ARNT2: variants seen among roughly 807,000 people sequenced by gnomAD.
The protein encoded by ARNT2 is aryl hydrocarbon receptor nuclear translocator 2, also known as ARNT protein 2.
In ARNT2, 36 loss-of-function variants were observed where a neutral mutation model predicts 91.7. That is an observed-to-expected ratio of 0.39 (90% CI 0.30 to 0.52). The LOEUF is 0.52. Ranked by LOEUF, ARNT2 falls within the 20% of genes least tolerant of loss-of-function variation. The pLI is 0.72. For synonymous variants in ARNT2, 365 were observed against 347.1 expected (o/e 1.05, Z -0.57); for missense variants, 775 against 939.3 (o/e 0.83, Z 2.29).
In ARNT2 at chr15:80,595,989, G is replaced by C; in HGVS notation, c.*2291G>C. On this transcript the variant is annotated 3_prime_UTR_variant, in exon 19 of 19. Transcript: ENST00000303329. Reference sequence around the variant, plus strand: ...TAGCTTGTGAGTTTGGAAGTTTGGGGGGTCTTATGTTTGTTTTGCCTCTTC... The same window carrying C: ...TAGCTTGTGAGTTTGGAAGTTTGGGCGGTCTTATGTTTGTTTTGCCTCTTC... 6.6e-6 allele frequency: 1 copy of C among 152,364 alleles called. No homozygotes were observed. Among genetic ancestry groups the C allele is most frequent in the East Asian group, 1.9e-4 (1 of 5,188 alleles). The allele number at this position is 152,364 out of a possible 1,614,324, so 9.4% of individuals were successfully genotyped here. A position where few individuals can be genotyped will look rare whatever the true frequency, so the allele number is the denominator to read the frequency against.
chr15:80,574,959 T>C (rs762292144), intron 13 of ARNT2, 28 bp from the exon 14 acceptor site: 13 of 1,610,036 alleles, frequency 8.1e-6, no homozygotes, highest in South Asian at 2.2e-5. Flanking sequence ...CATGAGTTGC[T>C]GTTGTGTTTT....
At chr15:80,467,231 G>A (rs1057076689) in intron 3 of ARNT2, among the ~76,000 whole-genome samples, 1 of 152,214 alleles carries the variant, frequency 6.6e-6, no homozygotes, top group Non-Finnish European at 1.5e-5. Flanking sequence ...GGTGGTTGGT[G>A]ACAAGGGGAA....
intron 11 of ARNT2, chr15:80,560,130 G>C (rs1372653056): frequency 6.6e-6 from 1 of 152,224 alleles, no homozygotes; most frequent in African/African-American, 2.4e-5. Flanking sequence ...ATCTCTCCTC[G>C]CCCTCCTGGT....
intron 5 of ARNT2, among the ~76,000 whole-genome samples, chr15:80,477,813 C>A (rs959116739): frequency 3.9e-5 from 6 of 152,138 alleles, no homozygotes; most frequent in African/African-American, 1.2e-4. Context: ...GAACACAATT[C>A]CACCTATAAT....
At chr15:80,574,470 G>A (rs959652366) in intron 13 of ARNT2, among the ~76,000 whole-genome samples, 3 of 152,184 alleles carry the variant, frequency 2.0e-5, no homozygotes, top group African/African-American at 7.2e-5. Context: ...AGGGCTGAGG[G>A]ACATTTCTGA....
intron 2 of ARNT2, among the ~76,000 whole-genome samples, chr15:80,453,232 A>G (rs1896428800): frequency 6.6e-6 from 1 of 152,216 alleles, no homozygotes; most frequent in Non-Finnish European, 1.5e-5. Flanking sequence ...AAGAAAAGCA[A>G]TGAGAGAGGA....
intron 2 of ARNT2, among the ~76,000 whole-genome samples, chr15:80,453,835 C>A (rs2141382616): frequency 6.6e-6 from 1 of 152,276 alleles, no homozygotes; most frequent in African/African-American, 2.4e-5. Flanking sequence ...GGGGTAGTGG[C>A]ATTGGCAAGG....
rs764692932 is a variant in ARNT2, at chr15:80,574,175, G to A, written c.1344G>A (p.Leu448=). The change falls in exon 13 of 19, where the codon TTG becomes TTA. Residue 448 remains leucine, a synonymous_variant. Transcript: ENST00000303329. The part of the protein sequence containing the change: ...VKQLQQQQAE[L]EVHQRDGLSS... ...AACTTCAGCAACAGCAGGCAGAATT[G>A]GAAGTGCACCAGAGAGATGGATTGT... The A allele has an allele frequency of 1.9e-6, 3 of 1,614,214 alleles. No individual in the cohort carries two copies. Among genetic ancestry groups the A allele is most frequent in the East Asian group, 2.2e-5 (1 of 44,886 alleles).
intron 11 of ARNT2, 77 bp downstream of exon 11, chr15:80,555,216 C>G: frequency 6.7e-7 from 1 of 1,488,762 alleles, no homozygotes; most frequent in Non-Finnish European, 9.3e-7. Context: ...GACATTAGTC[C>G]TACTATGTGC....
chr15:80,533,484 T>C (rs886334478), intron 8 of ARNT2, among the ~76,000 whole-genome samples: 6 of 152,012 alleles, frequency 3.9e-5, no homozygotes, highest in African/African-American at 1.4e-4. Context: ...GTTGGAGTAA[T>C]GGTGTAGCCC....
chr15:80,497,396 T>A (rs1897136793), intron 5 of ARNT2, among the ~76,000 whole-genome samples: 1 of 152,232 alleles, frequency 6.6e-6, no homozygotes, highest in Non-Finnish European at 1.5e-5. Context: ...GTGAGCAGCC[T>A]CCTAACATGG....
chr15:80,588,269 A>G (rs1404072604), intron 17 of ARNT2, among the ~76,000 whole-genome samples: 1 of 152,088 alleles, frequency 6.6e-6, no homozygotes, highest in Non-Finnish European at 1.5e-5. Flanking sequence ...CTTCTCCATC[A>G]CATCTCAAAT....
At chr15:80,439,303 G>T (rs1896149248) in intron 1 of ARNT2, among the ~76,000 whole-genome samples, 1 of 152,170 alleles carries the variant, frequency 6.6e-6, no homozygotes, top group South Asian at 2.1e-4. Context: ...AGATGGTGGT[G>T]ACCTGAGTAT....
intron 10 of ARNT2, 120 bp from the exon 11 acceptor site, chr15:80,554,945 G>A (rs935347768): frequency 7.6e-6 from 8 of 1,054,492 alleles, no homozygotes; most frequent in Non-Finnish European, 1.1e-5. Context: ...AAAATCTGGG[G>A]TGGGACAGGC....
chr15:80,423,025 T>A (rs1009339949), intron 1 of ARNT2, among the ~76,000 whole-genome samples: 4 of 152,214 alleles, frequency 2.6e-5, no homozygotes, highest in African/African-American at 9.7e-5. Flanking sequence ...TTAAAAACAT[T>A]TGCTTTTAAA....
intron 8 of ARNT2, among the ~76,000 whole-genome samples, chr15:80,523,497 G>A (rs1791989095): frequency 6.6e-6 from 1 of 152,146 alleles, no homozygotes; most frequent in African/African-American, 2.4e-5. Flanking sequence ...GATTGGTACT[G>A]ACAAATTCTG....
Position 80,485,439 on chromosome 15 carries a change from A to T in ARNT2, c.622+10216A>T, listed in dbSNP as rs553814467. Among the ~76,000 whole-genome samples, 100 of 152,340 alleles carry T rather than the reference A, an allele frequency of 6.6e-4. 1 individual carries two copies. The highest frequency in any genetic ancestry group is 2.3e-3 in the African/African-American group (96 of 41,576). On this transcript the variant is annotated intron_variant, in intron 5 of 18. Transcript: ENST00000303329. ...AGTGCTGGGGATCTAGTGATGAATA[A>T]AACCCATGTGGCCTGGCTCTTGTGG... is the stretch of plus-strand genomic sequence containing the variant.
intron 3 of ARNT2, among the ~76,000 whole-genome samples, chr15:80,463,736 G>T (rs540007472): frequency 2.0e-5 from 3 of 151,984 alleles, no homozygotes; most frequent in Non-Finnish European, 4.4e-5. Context: ...GCACCACCGC[G>T]CCCGGCTAAT....
intron 11 of ARNT2, 181 bp from the exon 12 acceptor site, chr15:80,562,907 G>A: frequency 1.4e-6 from 1 of 700,346 alleles, no homozygotes; most frequent in African/African-American, 1.8e-5. Flanking sequence ...TTCACCAGAA[G>A]GTAGACGGAG....
Sources: gnomAD v4.1 joint callset for allele counts (sites outside exome capture counted in the v4.1 genomes callset) on GRCh38, gnomAD v4.1.1 for gene constraint, MANE v1.5 for transcripts, NCBI Gene and HGNC (gene_info 2026-07-23, HGNC 2026-07-21) for gene names.